The following ITGA1 variants were observed in gnomAD, a reference collection of about 807,000 sequenced individuals.
ITGA1 encodes integrin alpha-1.
A neutral mutation model predicts 145.9 loss-of-function variants in ITGA1; 85 were observed. That is an observed-to-expected ratio of 0.58 (90% CI 0.49 to 0.70). The LOEUF is 0.70. ITGA1 is among the 30% of genes least tolerant of loss of function. The pLI is 0.00. For missense variants in ITGA1, 1,351 were observed against 1,418.7 expected (o/e 0.95, Z 0.77); for synonymous variants, 520 against 495.3 (o/e 1.05, Z -0.66).
intron 1 of ITGA1, among the ~76,000 whole-genome samples, chr5:52,808,676 C>CTTTTTTTTTT (rs60113844): frequency 0.016 from 1,123 of 69,312 alleles, 1 homozygote; most frequent in Middle Eastern, 0.029. Context: ...TTCTTTCTTT[C>CTTTTTTTTTT]TTTTTTTTTT....
intron 6 of ITGA1, among the ~76,000 whole-genome samples, chr5:52,869,876 A>C (rs1749752187): frequency 6.6e-6 from 1 of 152,090 alleles, no homozygotes; most frequent in Non-Finnish European, 1.5e-5. Context: ...TAAATTCATA[A>C]ATAATTCTCT....
Position 52,955,374 on chromosome 5 carries a change from TA to T in ITGA1, c.*2924del, listed in dbSNP as rs1466481124. ...ATAGATAGATAGATAGATAGATAGA[TA>T]GATAGATAGATAGATAGATATTGAT... On this transcript the variant is annotated 3_prime_UTR_variant, in exon 29 of 29. Coordinates refer to ENST00000282588, the MANE Select transcript of ITGA1 (RefSeq NM_181501.2). 1.3e-5 allele frequency: 2 copies of T among 151,710 alleles called. No individual in the cohort carries two copies. The highest frequency in any genetic ancestry group is 2.4e-5 in the African/African-American group (1 of 41,230). 9.4% of individuals were successfully genotyped at this position (151,710 alleles called of 1,614,324 possible). A position where few individuals can be genotyped will look rare whatever the true frequency, so the allele number is the denominator to read the frequency against.
At chr5:52,925,621 C>G in intron 19 of ITGA1, 134 bp downstream of exon 19, 1 of 653,724 alleles carries the variant, frequency 1.5e-6, no homozygotes, top group South Asian at 2.1e-5. Flanking sequence ...TAGTCCTCAC[C>G]AATGGTGAAA....
chr5:52,824,802 A>G (rs897477841), intron 1 of ITGA1: 1 of 152,212 alleles, frequency 6.6e-6, no homozygotes, highest in Non-Finnish European at 1.5e-5. Context: ...CTGGATAAAT[A>G]GTACTTCAGA....
At chr5:52,808,499 A>G (rs543879437) in intron 1 of ITGA1, among the ~76,000 whole-genome samples, 1 of 152,162 alleles carries the variant, frequency 6.6e-6, no homozygotes, top group Admixed American at 6.5e-5. Flanking sequence ...TAGTGTAAAC[A>G]TTGACTAGAA....
At chr5:52,849,611 G>A in intron 2 of ITGA1, 126 bp downstream of exon 2, 7 of 884,226 alleles carry the variant, frequency 7.9e-6, no homozygotes, top group Non-Finnish European at 1.1e-5. Flanking sequence ...AGAAAATGCA[G>A]TCTAGTCATT....
intron 2 of ITGA1, among the ~76,000 whole-genome samples, chr5:52,856,240 G>A (rs1749509382): frequency 6.6e-6 from 1 of 151,910 alleles, no homozygotes; most frequent in Admixed American, 6.6e-5. Flanking sequence ...TCATTCTCCT[G>A]TCTCCACACT....
intron 2 of ITGA1, among the ~76,000 whole-genome samples, chr5:52,858,798 T>G (rs57709131): frequency 0.023 from 3,527 of 152,174 alleles, 55 homozygotes; most frequent in Non-Finnish European, 0.035. Context: ...CTAATAATAA[T>G]AAGAACTAAC....
chr5:52,919,766 A>C, intron 16 of ITGA1, among the ~76,000 whole-genome samples: 1 of 152,208 alleles, frequency 6.6e-6, no homozygotes, highest in Non-Finnish European at 1.5e-5. Flanking sequence ...CAAATAAGGA[A>C]TATTGTAGCC....
intron 1 of ITGA1, among the ~76,000 whole-genome samples, chr5:52,820,653 T>G (rs900496983): frequency 1.3e-5 from 2 of 152,178 alleles, no homozygotes; most frequent in Non-Finnish European, 2.9e-5. Context: ...CACCTACTGC[T>G]AGGGACTCTG....
At chr5:52,791,970 C>A (rs1389211466) in intron 1 of ITGA1, among the ~76,000 whole-genome samples, 9 of 152,160 alleles carry the variant, frequency 5.9e-5, no homozygotes, top group Non-Finnish European at 1.2e-4. Context: ...AGTTCATTCT[C>A]TCTTGCTCAC....
intron 1 of ITGA1, chr5:52,800,108 C>T (rs552637414): frequency 2.2e-4 from 85 of 387,066 alleles, no homozygotes; most frequent in Non-Finnish European, 3.2e-4. Context: ...TTCGTCAGCC[C>T]GCTGTTGCGT....
intron 1 of ITGA1, among the ~76,000 whole-genome samples, chr5:52,827,263 A>G (rs982151188): frequency 6.6e-6 from 1 of 152,146 alleles, no homozygotes; most frequent in African/African-American, 2.4e-5. Flanking sequence ...AATTAGAAAT[A>G]GAGCCTGAAA....
At chr5:52,817,540 T>C (rs1336830269) in intron 1 of ITGA1, among the ~76,000 whole-genome samples, 1 of 152,184 alleles carries the variant, frequency 6.6e-6, no homozygotes, top group Non-Finnish European at 1.5e-5. Flanking sequence ...CATGTAGAGA[T>C]TATCTTCCTT....
chr5:52,910,992 A>AG (rs1750506897), intron 14 of ITGA1, among the ~76,000 whole-genome samples: 1 of 124,920 alleles, frequency 8.0e-6, no homozygotes, highest in Admixed American at 8.4e-5. Context: ...TGTATACTAT[A>AG]TATAGTATGT....
At chr5:52,793,749 T>C (rs867639889) in intron 1 of ITGA1, among the ~76,000 whole-genome samples, 9 of 152,034 alleles carry the variant, frequency 5.9e-5, no homozygotes, top group African/African-American at 1.9e-4. Flanking sequence ...TAGGGGATAA[T>C]TGCTCCTCTG....
intron 6 of ITGA1, among the ~76,000 whole-genome samples, chr5:52,869,910 A>G (rs974801589): frequency 6.6e-6 from 1 of 152,190 alleles, no homozygotes; most frequent in Non-Finnish European, 1.5e-5. Context: ...TGGAAAGGAC[A>G]TATTTACCAA....
chr5:52,940,897 G>A lies in ITGA1; in HGVS notation c.3285+953G>A, dbSNP rs377173169. Among the ~76,000 whole-genome samples, 16 of 152,202 alleles carry A rather than the reference G, an allele frequency of 1.1e-4. No individual in the cohort carries two copies. In the East Asian group the frequency reaches 1.7e-3, roughly 17 times the overall value. ...TGAGGTTTAGGGTACAGATTCCATC[G>A]CTCAGGTAGTGGGCATAATACCCAA... is the stretch of plus-strand genomic sequence containing the variant. On this transcript the variant is annotated intron_variant, in intron 26 of 28. Coordinates refer to ENST00000282588, the MANE Select transcript of ITGA1 (RefSeq NM_181501.2).
intron 2 of ITGA1, among the ~76,000 whole-genome samples, chr5:52,858,571 C>T (rs1749552195): frequency 6.6e-6 from 1 of 152,188 alleles, no homozygotes; most frequent in African/African-American, 2.4e-5. Flanking sequence ...TTAATTACTC[C>T]AGCCTCAAAT....
Sources: allele counts gnomAD v4.1 joint callset (sites outside exome capture counted in the v4.1 genomes callset), GRCh38; gene constraint gnomAD v4.1.1; transcripts MANE v1.5; gene names NCBI Gene and HGNC (gene_info 2026-07-23, HGNC 2026-07-21).